The following TANC2 variants were observed in gnomAD, a reference collection of about 807,000 sequenced individuals.
TANC2 encodes the protein protein TANC2.
In TANC2, 26 loss-of-function variants were observed where a neutral mutation model predicts 210.5. The ratio of observed to expected loss-of-function variants is 0.12; its 90% confidence interval spans 0.09 to 0.17. The LOEUF is 0.17. Among genes scored for constraint, TANC2 ranks in the 10% least tolerant of loss-of-function variants. The pLI is 1.00. For missense variants in TANC2, 2,129 were observed against 2,608.9 expected (o/e 0.82, Z 4.01); for synonymous variants, 931 against 967.1 (o/e 0.96, Z 0.69).
chr17:63,355,249 A>T (rs1295844451), exon 14 of TANC2: 1 of 1,613,490 alleles, frequency 6.2e-7, no homozygotes, highest in African/African-American at 1.3e-5. Flanking sequence ...GAATGGGAGG[A>T]TTTTCAGCAG....
At chr17:63,403,629 A>G (rs2048409437) in intron 19 of TANC2, among the ~76,000 whole-genome samples, 1 of 152,350 alleles carries the variant, frequency 6.6e-6, no homozygotes, top group East Asian at 1.9e-4. Flanking sequence ...CTCACCTCAG[A>G]TAGGACCATG....
intron 2 of TANC2, among the ~76,000 whole-genome samples, chr17:63,062,537 A>C (rs964938111): frequency 6.6e-6 from 1 of 152,120 alleles, no homozygotes; most frequent in African/African-American, 2.4e-5. Flanking sequence ...TAGAGTGGGC[A>C]AACACCTTTC....
chr17:63,037,023 C>T (rs182573753), intron 2 of TANC2, among the ~76,000 whole-genome samples: 151 of 151,988 alleles, frequency 9.9e-4, no homozygotes, highest in Non-Finnish European at 2.0e-3. Context: ...ATAAATTACG[C>T]ATAGTAAGAT....
chr17:63,028,073 C>T (rs1283093143), intron 2 of TANC2, among the ~76,000 whole-genome samples: 2 of 151,936 alleles, frequency 1.3e-5, no homozygotes, highest in South Asian at 2.1e-4. Flanking sequence ...TCAGAAGTCC[C>T]GGTTCTTTAG....
chr17:62,982,329 C>G (rs182882113), intron 1 of TANC2, among the ~76,000 whole-genome samples: 1 of 152,276 alleles, frequency 6.6e-6, no homozygotes, highest in African/African-American at 2.4e-5. Flanking sequence ...GCAAAATTCT[C>G]TATTACACAG....
At chr17:63,393,362 T>A (rs2048040731) in intron 17 of TANC2, 1 of 152,308 alleles carries the variant, frequency 6.6e-6, no homozygotes, top group South Asian at 2.1e-4. Context: ...ACCCTAGACC[T>A]GCTCACCAAC....
At chr17:63,219,469 T>G (rs887984384) in intron 7 of TANC2, among the ~76,000 whole-genome samples, 3 of 151,908 alleles carry the variant, frequency 2.0e-5, no homozygotes, top group Admixed American at 6.5e-5. Context: ...GTCTATACAT[T>G]CAGTGCAATC....
chr17:63,336,264 G>A (rs2046024280), intron 11 of TANC2, among the ~76,000 whole-genome samples: 1 of 152,240 alleles, frequency 6.6e-6, no homozygotes, highest in South Asian at 2.1e-4. Context: ...TGTGACAGCT[G>A]CAATATTAGT....
At chr17:63,039,448 G>A (rs528867974) in intron 2 of TANC2, among the ~76,000 whole-genome samples, 3 of 152,284 alleles carry the variant, frequency 2.0e-5, no homozygotes, top group African/African-American at 7.2e-5. Flanking sequence ...ACATTAAGTT[G>A]CAGGCTGCAG....
At chr17:63,399,233 T>A (rs1253762114) in intron 19 of TANC2, 1 of 174,168 alleles carries the variant, frequency 5.7e-6, no homozygotes. Context: ...GTGGCCTGTC[T>A]CCTTTTTATG....
rs763320604 is a variant in TANC2 at position 63,237,801 on chromosome 17, CTT to C, written c.770-5_770-4del. 136 of 1,510,890 alleles carry C rather than the reference CTT, an allele frequency of 9.0e-5. No individual in the cohort carries two copies. Among genetic ancestry groups the C allele is most frequent in the African/African-American group, 2.4e-4 (17 of 70,648 alleles). 93.6% of individuals were successfully genotyped at this position (1,510,890 alleles called of 1,614,324 possible). The stretch of plus-strand genomic sequence containing the variant: ...GTGGCTTTATTAAATTCATTTTACT[CTT>C]TTTTTTTCAGCTACATTAACAAGCT... On this transcript the variant is annotated splice_polypyrimidine_tract_variant and intron_variant, in intron 7 of 27. Coordinates refer to ENST00000689528, the Ensembl canonical transcript of TANC2.
intron 15 of TANC2, among the ~76,000 whole-genome samples, chr17:63,387,812 C>G (rs550380840): frequency 6.6e-6 from 1 of 152,158 alleles, no homozygotes; most frequent in Non-Finnish European, 1.5e-5. Context: ...GGACCTGTGC[C>G]AGTGATACTA....
At position 63,421,706 on chromosome 17, in the gene TANC2, T is replaced by C. The variant is rs1599097641; in HGVS notation, c.5976T>C (p.Asn1992=). The stretch of plus-strand genomic sequence containing the variant: ...TTGCCTTTTATAACAAAACCAACAA[T>C]GCACAGAATGGCCATTTGCTGGAGG... Residue 1992 remains asparagine (N), a synonymous_variant, in exon 28 of 28, where the codon AAT becomes AAC. Transcript: ENST00000689528. The surrounding 1 kb of genome is among the most constrained non-coding windows in gnomAD (Gnocchi z 6.9). The C allele has an allele frequency of 1.2e-6, 2 of 1,613,852 alleles. No homozygotes were observed. Among genetic ancestry groups the C allele is most frequent in the African/African-American group, 2.7e-5 (2 of 74,910 alleles).
chr17:63,399,710 T>C (rs16946908), intron 19 of TANC2, among the ~76,000 whole-genome samples: 11,596 of 152,276 alleles, frequency 0.076, 1,393 homozygotes, highest in African/African-American at 0.26. Context: ...GAGAATATTT[T>C]ACTAAACAAG....
chr17:63,395,840 C>T lies in TANC2; in HGVS notation c.3149C>T (p.Thr1050Met), dbSNP rs780807728. 26 of 1,612,244 alleles carry T rather than the reference C, an allele frequency of 1.6e-5. No individual in the cohort carries two copies. The highest frequency in any genetic ancestry group is 3.3e-4 in the Middle Eastern group (2 of 6,084). Residue 1050 changes from threonine (T) to methionine (M), a missense_variant, in exon 18 of 28, where the codon ACG becomes ATG. Around this residue, in one of 5 missense-constraint regions of TANC2, gnomAD observed 644 missense variants for 937.5 expected, o/e 0.69. Coordinates refer to ENST00000689528, the Ensembl canonical transcript of TANC2. ...AAGTTTTTGATTCAGTGTGACTGGA[C>T]GATGGCCGGCCAGCAGCAAGGAGTA...
intron 7 of TANC2, among the ~76,000 whole-genome samples, chr17:63,207,159 T>G (rs976075316): frequency 1.1e-4 from 16 of 151,886 alleles, no homozygotes; most frequent in Non-Finnish European, 2.2e-4. Context: ...AGATCTCATG[T>G]TTTCAATTTC....
chr17:63,425,242 T>C (rs2049116030), exon 28 of TANC2: 1 of 152,170 alleles, frequency 6.6e-6, no homozygotes, highest in East Asian at 1.9e-4. Context: ...CTCAGGAAAA[T>C]TCCACTAATT....
intron 1 of TANC2, among the ~76,000 whole-genome samples, chr17:62,992,765 T>C (rs1007131313): frequency 6.6e-6 from 1 of 152,228 alleles, no homozygotes; most frequent in African/African-American, 2.4e-5. Context: ...GTAACTATGT[T>C]ATACATGTTG....
intron 4 of TANC2, among the ~76,000 whole-genome samples, chr17:63,134,373 C>G (rs1009327445): frequency 5.9e-5 from 9 of 152,130 alleles, no homozygotes; most frequent in Admixed American, 2.6e-4. Context: ...GCTAATTTTA[C>G]AGAAATATGT....
Sources: gnomAD v4.1 joint callset for allele counts (sites outside exome capture counted in the v4.1 genomes callset) on GRCh38, gnomAD v4.1.1 for gene constraint, gnomAD v4.1.1 regional missense constraint, Gnocchi (gnomAD v3.1) non-coding constraint, MANE v1.5 for transcripts, NCBI Gene and HGNC (gene_info 2026-07-23, HGNC 2026-07-21) for gene names.